The following WDR64 variants were observed in gnomAD, a reference collection of about 807,000 sequenced individuals.
WDR64 encodes the protein WD repeat-containing protein 64.
Under a neutral mutation model 139.3 loss-of-function variants are expected in WDR64, and 112 were observed. That is an observed-to-expected ratio of 0.80 (90% CI 0.69 to 0.94). The LOEUF (loss-of-function observed/expected upper bound fraction) is 0.94, where lower values mean the gene tolerates loss of function less well. WDR64 is among the 40% of genes least tolerant of loss of function. The pLI is 0.00. For synonymous variants in WDR64, 444 were observed against 437.7 expected, an observed-to-expected ratio of 1.01 and a Z score of -0.18; for missense variants, 1,206 against 1,293.1, an observed-to-expected ratio of 0.93 and a Z score of 1.03.
intron 15 of WDR64, among the ~76,000 whole-genome samples, chr1:241,762,613 TAGAG>T (rs1016521142): frequency 3.3e-5 from 5 of 152,176 alleles, no homozygotes; most frequent in African/African-American, 1.2e-4. Flanking sequence ...TTTCAGCTTT[TAGAG>T]AGATAAGTGG....
chr1:241,761,270 T>C (rs1251026253), intron 15 of WDR64, among the ~76,000 whole-genome samples: 1 of 152,136 alleles, frequency 6.6e-6, no homozygotes, highest in Non-Finnish European at 1.5e-5. Context: ...TTAACTGACA[T>C]TGAAAAATCT....
chr1:241,671,802 A>G (rs1382827380), intron 3 of WDR64, among the ~76,000 whole-genome samples: 1 of 152,056 alleles, frequency 6.6e-6, no homozygotes, highest in Non-Finnish European at 1.5e-5. Flanking sequence ...AGGGAAGACA[A>G]ACTTTCAAAC....
chr1:241,744,524 T>G lies in WDR64; in HGVS notation c.1594+8T>G. The G allele has an allele frequency of 6.2e-7, 1 of 1,612,406 alleles. No individual in the cohort carries two copies. Among genetic ancestry groups the G allele is most frequent in the South Asian group, 1.1e-5 (1 of 90,446 alleles). On this transcript the variant is annotated splice_region_variant and intron_variant, in intron 13 of 27. Transcript: ENST00000437684. ...CCACAGGAGCGTATAATGGTCAGAC[T>G]AACATCCAGAATGTGGCGTCCCTGC...
intron 8 of WDR64, 89 bp from the exon 9 acceptor site, chr1:241,711,713 T>A (rs1161994579): frequency 7.5e-7 from 1 of 1,338,170 alleles, no homozygotes; most frequent in East Asian, 2.4e-5. Flanking sequence ...AACTTAGAAA[T>A]GAGCCTATCA....
intron 23 of WDR64, among the ~76,000 whole-genome samples, chr1:241,786,596 T>C (rs1659045610): frequency 6.6e-6 from 1 of 152,192 alleles, no homozygotes; most frequent in African/African-American, 2.4e-5. Flanking sequence ...AGCAGGGTAT[T>C]TGCACAATAG....
At chr1:241,781,898 A>G (rs909924409) in intron 22 of WDR64, among the ~76,000 whole-genome samples, 1 of 152,250 alleles carries the variant, frequency 6.6e-6, no homozygotes, top group Non-Finnish European at 1.5e-5. Context: ...AGCAAAATGT[A>G]TATCTTACTA....
At position 241,703,834 on chromosome 1, in the gene WDR64, A is replaced by C. The variant is rs1296134422; in HGVS notation, c.975-7968A>C. Among the ~76,000 whole-genome samples the C allele has an allele frequency of 6.6e-6, 1 of 152,158 alleles. No individual in the cohort carries two copies. The highest frequency in any genetic ancestry group is 1.5e-5 in the Non-Finnish European group (1 of 68,034). On this transcript the variant is annotated intron_variant, in intron 8 of 27. Transcript: ENST00000437684. The surrounding 1 kb of genome is among the most constrained non-coding windows in gnomAD (Gnocchi z 5.9). ...GGCGGAAGGTGAAAGGGAAGCAAGG[A>C]CCTTCTTCACATGATGGCAGGAGAG... is the stretch of plus-strand genomic sequence containing the variant.
chr1:241,663,229 G>A (rs1247639820), intron 2 of WDR64, among the ~76,000 whole-genome samples: 1 of 152,208 alleles, frequency 6.6e-6, no homozygotes, highest in Admixed American at 6.5e-5. Flanking sequence ...AACTGTTCCC[G>A]AATTGACTTA....
At chr1:241,706,759 T>C (rs1425761288) in intron 8 of WDR64, among the ~76,000 whole-genome samples, 2 of 152,334 alleles carry the variant, frequency 1.3e-5, no homozygotes, top group Admixed American at 6.5e-5. Flanking sequence ...TTTTGCATTA[T>C]TTTTTATTAA....
At chr1:241,666,622 C>T (rs1200384363) in intron 2 of WDR64, among the ~76,000 whole-genome samples, 1 of 152,162 alleles carries the variant, frequency 6.6e-6, no homozygotes, top group Admixed American at 6.5e-5. Flanking sequence ...GCTTAGTGCA[C>T]AGTTTTAAAT....
chr1:241,718,495 G>A (rs1668484986), intron 9 of WDR64, among the ~76,000 whole-genome samples: 1 of 152,116 alleles, frequency 6.6e-6, no homozygotes, highest in African/African-American at 2.4e-5. Flanking sequence ...GGTATCAGAA[G>A]AGAAGGGGGA....
At position 241,797,894 on chromosome 1, in the gene WDR64, T is replaced by A. The variant is rs137893898; in HGVS notation, c.3192+1524T>A. ...ATAATTCATGCATTTTATGTCTATT[T>A]GCACTCTTATTTAAATTTTATCTCA... On this transcript the variant is annotated intron_variant, in intron 27 of 27. Coordinates refer to ENST00000437684, the MANE Select transcript of WDR64 (RefSeq NM_001367482.1). Among the ~76,000 whole-genome samples the A allele has an allele frequency of 1.4e-3, 208 of 152,316 alleles. 4 individuals carry two copies. In the East Asian group the frequency reaches 0.038, roughly 28 times the overall value.
chr1:241,674,578 A>C (rs941055493), intron 3 of WDR64, 66 bp from the exon 4 acceptor site: 2 of 1,074,594 alleles, frequency 1.9e-6, no homozygotes, highest in African/African-American at 3.3e-5. Context: ...TAAAAAAACA[A>C]ATCTAACAAA....
intron 16 of WDR64, among the ~76,000 whole-genome samples, chr1:241,768,707 T>G (rs1451522845): frequency 6.6e-6 from 1 of 152,188 alleles, no homozygotes; most frequent in Non-Finnish European, 1.5e-5. Flanking sequence ...TTTGCTATAA[T>G]GAATGTTAAA....
intron 2 of WDR64, among the ~76,000 whole-genome samples, chr1:241,662,446 CTT>C (rs980791157): frequency 6.6e-6 from 1 of 152,182 alleles, no homozygotes; most frequent in African/African-American, 2.4e-5. Flanking sequence ...AAGCGTCCCT[CTT>C]GTCCTAGAAG....
In WDR64 at chr1:241,770,640, A is replaced by C; in HGVS notation, c.2203A>C (p.Ile735Leu). The part of the protein sequence containing the change: ...ECARRSSQDS[I>L]CSSSQCESSK... The stretch of plus-strand genomic sequence containing the variant: ...TTATAGGAGATCAAGTCAGGATTCC[A>C]TATGTTCTTCATCCCAGTGTGAATC... Residue 735 changes from isoleucine to leucine, a missense_variant, in exon 18 of 28, where the codon ATA (isoleucine) becomes CTA (leucine). Physicochemically the swap from Ile to Leu is conservative, Grantham distance 5 (BLOSUM62 2). Transcript: ENST00000437684. 2 of 1,551,494 alleles carry C rather than the reference A, an allele frequency of 1.3e-6. No individual in the cohort carries two copies. Among genetic ancestry groups the C allele is most frequent in the South Asian group, 1.2e-5 (1 of 83,998 alleles).
chr1:241,786,440 C>A (rs1475898864), intron 23 of WDR64, among the ~76,000 whole-genome samples: 1 of 152,200 alleles, frequency 6.6e-6, no homozygotes, highest in Non-Finnish European at 1.5e-5. Context: ...CTAGGGCACA[C>A]ACTCCTGCTA....
chr1:241,683,864 T>TACACACACACACACACACAC (rs11473073), intron 7 of WDR64, among the ~76,000 whole-genome samples, 163 bp downstream of exon 7: 1 of 145,562 alleles, frequency 6.9e-6, no homozygotes, highest in African/African-American at 2.5e-5. Flanking sequence ...TGTTCATGTA[T>TACACACACACACACACACAC]ACACACACAC....
At chr1:241,755,288 T>C (rs932300430) in intron 14 of WDR64, among the ~76,000 whole-genome samples, 1 of 152,238 alleles carries the variant, frequency 6.6e-6, no homozygotes, top group Non-Finnish European at 1.5e-5. Flanking sequence ...GGTGTCTCTT[T>C]TTGGTTTTGA....
Sources: allele counts gnomAD v4.1 joint callset (sites outside exome capture counted in the v4.1 genomes callset), GRCh38; gene constraint gnomAD v4.1.1; non-coding constraint Gnocchi (gnomAD v3.1); transcripts MANE v1.5; gene names NCBI Gene and HGNC (gene_info 2026-07-23, HGNC 2026-07-21).